ILDR1: variants seen among roughly 807,000 people sequenced by gnomAD.
ILDR1 encodes immunoglobulin like domain containing receptor 1, also known as immunoglobulin-like domain-containing receptor 1.
ILDR1 carries 56 observed loss-of-function variants against 62.4 expected under a neutral mutation model. That is an observed-to-expected ratio of 0.90 (90% CI 0.72 to 1.12). The LOEUF is 1.12. Among genes scored for constraint, ILDR1 ranks in the 50% most tolerant of loss-of-function variants. The pLI is 0.00. For synonymous variants in ILDR1, 284 were observed against 277.8 expected (o/e 1.02, Z -0.22); for missense variants, 736 against 710.6 (o/e 1.04, Z -0.41).
intron 3 of ILDR1, among the ~76,000 whole-genome samples, chr3:122,002,575 T>C (rs2071544346): frequency 6.6e-6 from 1 of 152,174 alleles, no homozygotes; most frequent in Admixed American, 6.5e-5. Flanking sequence ...TGTACCTCCA[T>C]TAGGATAGAT....
intron 1 of ILDR1, among the ~76,000 whole-genome samples, chr3:122,010,728 T>C: frequency 6.6e-6 from 1 of 152,220 alleles, no homozygotes; most frequent in East Asian, 1.9e-4. Flanking sequence ...ATTTTCACAA[T>C]GAATAGGTTG....
At chr3:122,022,330 G>C (rs1482913234), upstream of ILDR1, 9 of 401,600 alleles carry the variant, frequency 2.2e-5, no homozygotes, top group Non-Finnish European at 3.9e-5. Flanking sequence ...CCCGCCTCCC[G>C]GGGGACTGCG....
At chr3:121,999,237 AG>A (rs944842320) in intron 5 of ILDR1, among the ~76,000 whole-genome samples, 47 of 152,226 alleles carry the variant, frequency 3.1e-4, no homozygotes, top group African/African-American at 1.1e-3. Flanking sequence ...AAACTGATAA[AG>A]GTGGTTATCT....
rs2071276593 is a variant in ILDR1 at position 121,988,005 on chromosome 3, TGGGCTCAAGG to T, written c.*352_*361del. 8.2e-6 allele frequency: 3 copies of T among 367,322 alleles called. No individual in the cohort carries two copies. Among genetic ancestry groups the T allele is most frequent in the South Asian group, 6.4e-5 (3 of 46,724 alleles). 22.8% of individuals were successfully genotyped at this position (367,322 alleles called of 1,614,324 possible). A position where few individuals can be genotyped will look rare whatever the true frequency, so the allele number is the denominator to read the frequency against. ...CTGGCTCATTGCAGCCTTGCACTCC[TGGGCTCAAGG>T]GATCCTTCTGCCTCAGCCTCTTGAG... On this transcript the variant is annotated 3_prime_UTR_variant, in exon 8 of 8. Coordinates refer to ENST00000344209, the MANE Select transcript of ILDR1 (RefSeq NM_001199799.2).
chr3:121,990,607 T>C (rs1188200895), intron 7 of ILDR1, among the ~76,000 whole-genome samples: 1 of 152,212 alleles, frequency 6.6e-6, no homozygotes, highest in Non-Finnish European at 1.5e-5. Flanking sequence ...CTTCCTTTTT[T>C]TTCTGAGTCA....
At chr3:121,999,998 C>A (rs2071492881) in intron 5 of ILDR1, among the ~76,000 whole-genome samples, 1 of 151,978 alleles carries the variant, frequency 6.6e-6, no homozygotes, top group Non-Finnish European at 1.5e-5. Context: ...TTGCTGCCTC[C>A]CACTTCTTAA....
At chr3:122,006,341 G>A (rs949369305) in intron 2 of ILDR1, among the ~76,000 whole-genome samples, 1 of 152,196 alleles carries the variant, frequency 6.6e-6, no homozygotes, top group Non-Finnish European at 1.5e-5. Context: ...TTCTTTGAGA[G>A]AAGGCAGAAA....
At chr3:121,994,066 C>G in intron 6 of ILDR1, 96 bp from the exon 7 acceptor site, 1 of 1,489,814 alleles carries the variant, frequency 6.7e-7, no homozygotes, top group Non-Finnish European at 9.1e-7. Flanking sequence ...AGCATGAATC[C>G]CTCCCATCTC....
chr3:122,005,452 G>T (rs756771623), intron 2 of ILDR1, 59 bp from the exon 3 acceptor site: 22 of 1,596,770 alleles, frequency 1.4e-5, no homozygotes, highest in Non-Finnish European at 1.7e-5. Context: ...CAAAAAAAAG[G>T]TTCCCTTCCT....
At chr3:122,054,680 A>T in the ILDR1 span, among the ~76,000 whole-genome samples, 3 of 152,160 alleles carry the variant, frequency 2.0e-5, no homozygotes, top group Admixed American at 1.3e-4. Context: ...TACACTAAAC[A>T]GTTTGAGTTT....
Position 121,988,186 on chromosome 3 carries a change from G to A in ILDR1, c.*181C>T, listed in dbSNP as rs1418383192. 3 of 677,526 alleles carry A rather than the reference G, an allele frequency of 4.4e-6. No individual in the cohort carries two copies. Among genetic ancestry groups the A allele is most frequent in the East Asian group, 2.9e-5 (1 of 34,918 alleles). 42.0% of individuals were successfully genotyped at this position (677,526 alleles called of 1,614,324 possible). On this transcript the variant is annotated 3_prime_UTR_variant, in exon 8 of 8. Coordinates refer to ENST00000344209, the MANE Select transcript of ILDR1 (RefSeq NM_001199799.2). Reference sequence around the variant, plus strand: ...CTCCCAAAGTGCTGTGATTACAGGTGTGAGCCACTATACCCAATCTCAAAC... The same window carrying A: ...CTCCCAAAGTGCTGTGATTACAGGTATGAGCCACTATACCCAATCTCAAAC...
the ILDR1 span, chr3:122,055,372 G>A: frequency 7.2e-6 from 7 of 976,856 alleles, no homozygotes; most frequent in Non-Finnish European, 9.9e-6. Flanking sequence ...AGTCATTGCC[G>A]AGGAAGGCTT....
intron 1 of ILDR1, among the ~76,000 whole-genome samples, chr3:122,020,666 A>C (rs35934596): frequency 2.8e-3 from 421 of 152,332 alleles, no homozygotes; most frequent in Non-Finnish European, 5.2e-3. Flanking sequence ...TGAGCAGGGG[A>C]GCCACAGGAG....
chr3:122,004,617 A>G (rs1358073727), intron 3 of ILDR1, among the ~76,000 whole-genome samples: 1 of 152,182 alleles, frequency 6.6e-6, no homozygotes, highest in Non-Finnish European at 1.5e-5. Context: ...CAGCTCTCAC[A>G]TAGCGCGCTA....
intron 5 of ILDR1, among the ~76,000 whole-genome samples, chr3:121,995,377 C>T (rs1461856439): frequency 1.3e-5 from 2 of 152,164 alleles, no homozygotes; most frequent in African/African-American, 2.4e-5. Context: ...AGCAGGGCCA[C>T]GTACAGTAGA....
At chr3:122,017,308 C>G (rs1048394431) in intron 1 of ILDR1, among the ~76,000 whole-genome samples, 1 of 151,958 alleles carries the variant, frequency 6.6e-6, no homozygotes, top group African/African-American at 2.4e-5. Flanking sequence ...CTTGGCCTCC[C>G]AAAGTGTTAG....
chr3:122,041,566 G>C, the ILDR1 span, among the ~76,000 whole-genome samples: 1 of 152,096 alleles, frequency 6.6e-6, no homozygotes, highest in Non-Finnish European at 1.5e-5. Flanking sequence ...ATTTATCTTT[G>C]TCTTCTTAAT....
intron 5 of ILDR1, among the ~76,000 whole-genome samples, chr3:121,998,216 C>A (rs927072437): frequency 2.6e-5 from 4 of 152,222 alleles, no homozygotes; most frequent in African/African-American, 9.6e-5. Flanking sequence ...GCTGAGGCCA[C>A]TCCTACCAGC....
intron 1 of ILDR1, among the ~76,000 whole-genome samples, chr3:122,008,337 A>G (rs1410215739): frequency 6.6e-6 from 1 of 152,220 alleles, no homozygotes; most frequent in Admixed American, 6.5e-5. Context: ...ACTTTGGCAC[A>G]GTCAGGGGTC....
Sources: allele counts gnomAD v4.1 joint callset (sites outside exome capture counted in the v4.1 genomes callset), GRCh38; gene constraint gnomAD v4.1.1; transcripts MANE v1.5; gene names NCBI Gene and HGNC (gene_info 2026-07-23, HGNC 2026-07-21).